Variants in CCL26 observed in about 807,000 individuals in gnomAD.
CCL26 encodes the protein C-C motif chemokine ligand 26.
A neutral mutation model predicts 10.7 loss-of-function variants in CCL26; 10 were observed. The ratio of observed to expected loss-of-function variants is 0.93; its 90% CI spans 0.57 to 1.58. The LOEUF (loss-of-function observed/expected upper bound fraction) is 1.58, where lower values mean the gene tolerates loss of function less well. Ranked by LOEUF, CCL26 falls within the 40% of genes most tolerant of loss-of-function variation. The pLI, the probability that CCL26 is intolerant of heterozygous loss-of-function variation, is 0.00. For synonymous variants in CCL26, 43 were observed against 41.4 expected (o/e 1.04, Z -0.15); for missense variants, 116 against 111.0 (o/e 1.05, Z -0.20).
At chr7:75,772,035 T>C (rs1231167105) in intron 1 of CCL26, 32 bp from the exon 2 acceptor site, 5 of 1,605,662 alleles carry the variant, frequency 3.1e-6, no homozygotes, top group African/African-American at 1.3e-5. Context: ...GGTTTGGAGA[T>C]ACTCATTTCC....
At chr7:75,775,762 G>A (rs113936314), upstream of CCL26, among the ~76,000 whole-genome samples, 28 of 152,286 alleles carry the variant, frequency 1.8e-4, no homozygotes, top group African/African-American at 5.8e-4. Context: ...GATACGGGGA[G>A]TTACCTGACA....
chr7:75,789,071 A>G (rs1554530392), intron 1 of CCL26, among the ~76,000 whole-genome samples: 1 of 144,912 alleles, frequency 6.9e-6, no homozygotes, highest in South Asian at 2.2e-4. Context: ...ACAGGTGCGC[A>G]CCACCGTGCC....
chr7:75,781,619 A>T (rs1243993111), intron 1 of CCL26, among the ~76,000 whole-genome samples: 3 of 152,184 alleles, frequency 2.0e-5, no homozygotes, highest in Admixed American at 6.5e-5. Flanking sequence ...GTAACTGAAC[A>T]ATCACAAAAG....
intron 1 of CCL26, among the ~76,000 whole-genome samples, chr7:75,780,798 C>T (rs191950057): frequency 5.1e-4 from 77 of 152,184 alleles, no homozygotes; most frequent in African/African-American, 1.7e-3. Flanking sequence ...ACAGGCTGCT[C>T]GTTGCCAGGC....
intron 2 of CCL26, among the ~76,000 whole-genome samples, chr7:75,770,069 ATTTTTT>A (rs10540427): frequency 2.1e-4 from 31 of 144,452 alleles, no homozygotes; most frequent in Admixed American, 3.5e-4. Context: ...AGGACACTTA[ATTTTTT>A]TTTTTTTTTT....
chr7:75,786,465 A>G (rs905561645), intron 1 of CCL26, among the ~76,000 whole-genome samples: 1 of 152,168 alleles, frequency 6.6e-6, no homozygotes, highest in Non-Finnish European at 1.5e-5. Flanking sequence ...CAATATTTAT[A>G]CTGACCCCAT....
At position 75,785,952 on chromosome 7, in the gene CCL26, G is replaced by A. The variant is rs1434668889; in HGVS notation, c.-79+3765C>T. ...CCAGCCATCATGTCTCCATGCAGCGGCTGCTGCCACCCTAATACTTTTAGA... is the reference window on the plus strand; with the variant it reads ...CCAGCCATCATGTCTCCATGCAGCGACTGCTGCCACCCTAATACTTTTAGA... On this transcript the variant is annotated intron_variant, in intron 1 of 3. Coordinates refer to the CCL26 transcript ENST00000394905. Among the ~76,000 whole-genome samples, 15 of 152,306 alleles carry A rather than the reference G, an allele frequency of 9.8e-5. No individual in the cohort carries two copies. In the East Asian group the frequency reaches 2.7e-3, roughly 27 times the overall value.
At chr7:75,790,178 C>CCTTCCTTCCTTCCTTTCTTTCTTTCTTT (rs60788546), upstream of CCL26, among the ~76,000 whole-genome samples, 7 of 44,344 alleles carry the variant, frequency 1.6e-4, no homozygotes, top group Admixed American at 2.3e-4. Flanking sequence ...TTCCTTCCTT[C>CCTTCCTTCCTTCCTTTCTTTCTTTCTTT]CTTTCTTTCT....
intron 2 of CCL26, among the ~76,000 whole-genome samples, chr7:75,771,463 G>T (rs2115635753): frequency 6.6e-6 from 1 of 152,274 alleles, no homozygotes; most frequent in African/African-American, 2.4e-5. Flanking sequence ...ACTCACACTT[G>T]TAATCCCAGC....
At chr7:75,785,367 C>T (rs1232362415) in intron 1 of CCL26, among the ~76,000 whole-genome samples, 1 of 152,132 alleles carries the variant, frequency 6.6e-6, no homozygotes, top group East Asian at 1.9e-4. Flanking sequence ...CTGCTTCTCA[C>T]CTTATTCAAT....
At chr7:75,773,628 C>T (rs539191054), upstream of CCL26, among the ~76,000 whole-genome samples, 1 of 151,996 alleles carries the variant, frequency 6.6e-6, no homozygotes, top group Non-Finnish European at 1.5e-5. Flanking sequence ...GTAATCCCAG[C>T]ACTTTGGAAG....
Position 75,769,662 on chromosome 7 carries a change from C to A in CCL26, c.*31G>T. 2.1e-6 allele frequency: 3 copies of A among 1,454,812 alleles called. No individual in the cohort carries two copies. The highest frequency in any genetic ancestry group is 2.3e-5 in the South Asian group (2 of 87,862). 90.1% of individuals were successfully genotyped at this position (1,454,812 alleles called of 1,614,324 possible). On this transcript the variant is annotated 3_prime_UTR_variant, in exon 3 of 3. Transcript: ENST00000005180. ...AGGGCTGCAGAGCCAAGAGCGGGGT[C>A]CAAGCGTCCTCGGATGAAAATTCAG... is the stretch of plus-strand genomic sequence containing the variant.
In CCL26 at chr7:75,769,602, T is replaced by G; in HGVS notation, c.*91A>C. On this transcript the variant is annotated 3_prime_UTR_variant, in exon 3 of 3. Transcript: ENST00000005180. ...CACCCTCTCCTCCCCAGCGGGTCCA[T>G]GTAGCCTTCAGAAAAGATTCCGCAG... 1.3e-6 allele frequency: 1 copy of G among 785,408 alleles called. No homozygotes were observed. The highest frequency in any genetic ancestry group is 2.5e-5 in the East Asian group (1 of 39,678). 48.7% of individuals were successfully genotyped at this position (785,408 alleles called of 1,614,324 possible). A position where few individuals can be genotyped will look rare whatever the true frequency, so the allele number is the denominator to read the frequency against.
At chr7:75,786,744 A>G (rs1469361519) in intron 1 of CCL26, among the ~76,000 whole-genome samples, 5 of 152,230 alleles carry the variant, frequency 3.3e-5, no homozygotes, top group African/African-American at 1.2e-4. Flanking sequence ...TCTCCCACTG[A>G]AACTTCCACC....
chr7:75,790,593 A>G (rs1036589639), upstream of CCL26, among the ~76,000 whole-genome samples: 1 of 151,800 alleles, frequency 6.6e-6, no homozygotes, highest in Non-Finnish European at 1.5e-5. Flanking sequence ...ATGGATTTTA[A>G]TATAGTTTTA....
upstream of CCL26, among the ~76,000 whole-genome samples, chr7:75,790,824 G>A (rs1803314527): frequency 6.6e-6 from 1 of 151,700 alleles, no homozygotes; most frequent in South Asian, 2.1e-4. Context: ...AGTGCCTGTA[G>A]TCTCAGCTAC....
At chr7:75,779,088 TC>T (rs1437651437) in intron 1 of CCL26, among the ~76,000 whole-genome samples, 3 of 151,700 alleles carry the variant, frequency 2.0e-5, no homozygotes, top group African/African-American at 7.3e-5. Context: ...GCTCAAAAGC[TC>T]CCCCACTGAG....
chr7:75,778,408 G>T (rs1165759842), intron 1 of CCL26, among the ~76,000 whole-genome samples: 5 of 138,518 alleles, frequency 3.6e-5, no homozygotes, highest in South Asian at 2.3e-4. Flanking sequence ...TTTTGGTGTG[G>T]TTTTTTTTTT....
chr7:75,771,821 G>A (rs1188513333), intron 2 of CCL26, 68 bp downstream of exon 2: 5 of 964,258 alleles, frequency 5.2e-6, no homozygotes, highest in African/African-American at 1.6e-5. Context: ...CATCCTGGGG[G>A]TCTGCCCAGC....
Sources: allele counts gnomAD v4.1 joint callset (sites outside exome capture counted in the v4.1 genomes callset), GRCh38; gene constraint gnomAD v4.1.1; transcripts MANE v1.5; gene names NCBI Gene and HGNC (gene_info 2026-07-23, HGNC 2026-07-21).